NDUFS1: variants seen among roughly 807,000 people sequenced by gnomAD.
NDUFS1 encodes the protein NADH:ubiquinone oxidoreductase core subunit S1.
NDUFS1 carries 61 observed loss-of-function variants against 84.4 expected under a neutral mutation model. That is an observed-to-expected ratio of 0.72 (90% CI 0.59 to 0.89). NDUFS1 has a LOEUF of 0.89. Ranked by LOEUF, NDUFS1 falls within the 40% of genes least tolerant of loss-of-function variation. The pLI, the probability that NDUFS1 is intolerant of heterozygous loss-of-function variation, is 0.00. For synonymous variants in NDUFS1, 275 were observed against 290.0 expected (o/e 0.95, Z 0.53); for missense variants, 891 against 890.0 (o/e 1.00, Z -0.01).
rs4147717 is a variant in NDUFS1 at position 206,142,403 on chromosome 2, C to T, written c.1133+283G>A. Among the ~76,000 whole-genome samples the T allele has an allele frequency of 0.44, 66,827 of 151,576 alleles. 15,192 individuals are homozygous for T. The highest frequency in any genetic ancestry group is 0.52 in the African/African-American group (21,687 of 41,342). The stretch of plus-strand genomic sequence containing the variant: ...AATTTTTTTGTATTTTTAGTAGAGA[C>T]GGGGTTTCGCCATGTTGGCCAGGCT... On this transcript the variant is annotated intron_variant, in intron 11 of 18. Transcript: ENST00000233190.
intron 1 of NDUFS1, chr2:206,159,015 C>G: frequency 2.1e-6 from 3 of 1,458,518 alleles, no homozygotes; most frequent in Non-Finnish European, 2.8e-6. Context: ...GGTCCTCTCC[C>G]GGGGAATAAA....
intron 2 of NDUFS1, among the ~76,000 whole-genome samples, 190 bp from the exon 3 acceptor site, chr2:206,152,700 CTTCT>C (rs1257459507): frequency 7.3e-4 from 100 of 136,366 alleles, no homozygotes; most frequent in Non-Finnish European, 1.2e-3. Context: ...CTTCTTTCTT[CTTCT>C]TTTTTTTTTT....
chr2:206,116,051 T>C lies in NDUFS1; in HGVS notation c.*8134A>G. 1.1e-6 allele frequency: 1 copy of C among 898,732 alleles called. No individual in the cohort carries two copies. Among genetic ancestry groups the C allele is most frequent in the Non-Finnish European group, 1.9e-6 (1 of 528,626 alleles). 55.7% of individuals were successfully genotyped at this position (898,732 alleles called of 1,614,324 possible). A position where few individuals can be genotyped will look rare whatever the true frequency, so the allele number is the denominator to read the frequency against. The stretch of plus-strand genomic sequence containing the variant: ...TTCTAAGTCTTCTATCCACCACTAA[T>C]TTAGGACAACTCTGCTGGGTTGCGT... On this transcript the variant is annotated 3_prime_UTR_variant, in exon 19 of 19. Transcript: ENST00000233190.
Position 206,119,358 on chromosome 2 carries a change from T to G in NDUFS1, c.*4827A>C, listed in dbSNP as rs1194972003. 6.6e-6 allele frequency: 1 copy of G among 152,200 alleles called. No homozygotes were observed. Among genetic ancestry groups the G allele is most frequent in the African/African-American group, 2.4e-5 (1 of 41,456 alleles). 9.4% of individuals were successfully genotyped at this position (152,200 alleles called of 1,614,324 possible). A position where few individuals can be genotyped will look rare whatever the true frequency, so the allele number is the denominator to read the frequency against. On this transcript the variant is annotated 3_prime_UTR_variant, in exon 19 of 19. Coordinates refer to ENST00000233190, the MANE Select transcript of NDUFS1 (RefSeq NM_005006.7). ...GAAGAAATACTCTTAAAGAAAATGTTAATGTCAACAACAAACAATAAATTG... is the reference window on the plus strand; with the variant it reads ...GAAGAAATACTCTTAAAGAAAATGTGAATGTCAACAACAAACAATAAATTG...
rs539365042 is a variant in NDUFS1 at position 206,159,294 on chromosome 2, G to T, written c.-5+47C>A. ...AGGAAACAGTCCCGTCAATAAATAA[G>T]CCTCTGGCCGACGCACCTCACCCTT... On this transcript the variant is annotated intron_variant, in intron 1 of 18. Coordinates refer to ENST00000233190, the MANE Select transcript of NDUFS1 (RefSeq NM_005006.7). The T allele has an allele frequency of 7.1e-6, 5 of 708,742 alleles. No individual in the cohort carries two copies. The East Asian group carries it at 1.3e-4, about 19-fold the overall frequency. 43.9% of individuals were successfully genotyped at this position (708,742 alleles called of 1,614,324 possible).
chr2:206,159,338 C>G lies in NDUFS1; in HGVS notation c.-5+3G>C. ...CACCCTTCCCATCCATACAAGACCT[C>G]ACCTTCTCCCCGGAGCCGCGGAGGC... On this transcript the variant is annotated splice_donor_region_variant and intron_variant, in intron 1 of 18. Transcript: ENST00000233190. The G allele has an allele frequency of 1.6e-6, 1 of 608,990 alleles. No individual in the cohort carries two copies. The highest frequency in any genetic ancestry group is 2.9e-6 in the Non-Finnish European group (1 of 342,810). The allele number at this position is 608,990 out of a possible 1,614,324, so 37.7% of individuals were successfully genotyped here.
intron 10 of NDUFS1, 86 bp downstream of exon 10, chr2:206,143,932 G>A: frequency 9.2e-7 from 1 of 1,090,248 alleles, no homozygotes; most frequent in Admixed American, 1.9e-5. Context: ...GTAAAAAAGG[G>A]AAGAAATATA....
rs1692175969 is a variant in NDUFS1 at position 206,146,958 on chromosome 2, CAGGGCAGATATCAATG to C, written c.666_681del (p.Ile222MetfsTer2). On this transcript the variant is annotated frameshift_variant, in exon 8 of 19. Transcript: ENST00000233190. LOFTEE classifies it high-confidence loss of function. ...TAGGGCTTAGAGGTTAGGGCACCTA[CAGGGCAGATATCAATG>C]ATATTCCCAGACAGTTCAGACATGA... The C allele has an allele frequency of 1.2e-6, 2 of 1,614,026 alleles. No homozygotes were observed. Among genetic ancestry groups the C allele is most frequent in the Non-Finnish European group, 1.7e-6 (2 of 1,179,996 alleles).
rs938527056 is a variant in NDUFS1, at chr2:206,154,912, G to A, written c.-4-1230C>T. Reference sequence around the variant, plus strand: ...TGTTGGGGTTAAGGCGTGAGCCACCGTGCCCGGCCCTTTTTTTTTTTTTTT... The same window carrying A: ...TGTTGGGGTTAAGGCGTGAGCCACCATGCCCGGCCCTTTTTTTTTTTTTTT... On this transcript the variant is annotated intron_variant, in intron 1 of 18. Coordinates refer to ENST00000233190, the MANE Select transcript of NDUFS1 (RefSeq NM_005006.7). Among the ~76,000 whole-genome samples the A allele has an allele frequency of 2.7e-5, 4 of 146,142 alleles. No individual in the cohort carries two copies. In the East Asian group the frequency reaches 6.0e-4, roughly 22 times the overall value.
chr2:206,126,945 G>T, intron 16 of NDUFS1, 101 bp from the exon 17 acceptor site: 1 of 1,433,512 alleles, frequency 7.0e-7, no homozygotes, highest in Non-Finnish European at 9.7e-7. Context: ...CAGCACTACT[G>T]AAAAACCTAT....
chr2:206,133,189 T>C lies in NDUFS1; in HGVS notation c.1393-84A>G, dbSNP rs1691583113. 9 of 1,151,070 alleles carry C rather than the reference T, an allele frequency of 7.8e-6. No individual in the cohort carries two copies. The Admixed American group carries it at 9.6e-5, about 12-fold the overall frequency. 71.3% of individuals were successfully genotyped at this position (1,151,070 alleles called of 1,614,324 possible). The stretch of plus-strand genomic sequence containing the variant: ...ACCATATTTGCCTCTATAATATAGG[T>C]TGTCCCAAGTCTTAGGTGTAACATG... On this transcript the variant is annotated intron_variant, in intron 13 of 18. Coordinates refer to ENST00000233190, the MANE Select transcript of NDUFS1 (RefSeq NM_005006.7).
intron 13 of NDUFS1, among the ~76,000 whole-genome samples, chr2:206,134,863 GCTA>G (rs1691650222): frequency 6.6e-6 from 1 of 152,022 alleles, no homozygotes. Flanking sequence ...TGCAGACCCA[GCTA>G]CAGGGGAGGC....
chr2:206,143,946 C>G, intron 10 of NDUFS1, 72 bp downstream of exon 10: 1 of 1,174,572 alleles, frequency 8.5e-7, no homozygotes, highest in South Asian at 1.2e-5. Context: ...AAATATACAT[C>G]CCCCCCTTCA....
At chr2:206,152,398 A>C (rs542764451) in intron 3 of NDUFS1, 21 bp downstream of exon 3, 2 of 1,594,864 alleles carry the variant, frequency 1.3e-6, no homozygotes, top group African/African-American at 2.7e-5. Flanking sequence ...CACACACAAA[A>C]TAGTTAGAAT....
In NDUFS1 at chr2:206,120,240, T is replaced by G. The variant is rs1367504900; in HGVS notation, c.*3945A>C. 2 of 152,206 alleles carry G rather than the reference T, an allele frequency of 1.3e-5. No homozygotes were observed. Among genetic ancestry groups the G allele is most frequent in the Non-Finnish European group, 1.5e-5 (1 of 68,064 alleles). The allele number at this position is 152,206 out of a possible 1,614,324, so 9.4% of individuals were successfully genotyped here. On this transcript the variant is annotated 3_prime_UTR_variant, in exon 19 of 19. Transcript: ENST00000233190. ...CCCAATCTCAGATATTCCTTTACAGTAATGCAAACAGATTAAAACAGATTA... is the reference window on the plus strand; with the variant it reads ...CCCAATCTCAGATATTCCTTTACAGGAATGCAAACAGATTAAAACAGATTA...
intron 10 of NDUFS1, among the ~76,000 whole-genome samples, chr2:206,143,586 C>CT (rs202112175): frequency 0.057 from 8,278 of 144,626 alleles, 378 homozygotes; most frequent in Admixed American, 0.16. Flanking sequence ...AGGAAGGCAG[C>CT]TTTTTTTTTT....
Position 206,116,571 on chromosome 2 carries a change from A to G in NDUFS1, c.*7614T>C. ...CGCGGGGAGGCGGGGCGGTGTGGGC[A>G]GAAGTAAATTTCTTTATAAATTACC... On this transcript the variant is annotated 3_prime_UTR_variant, in exon 19 of 19. Coordinates refer to ENST00000233190, the MANE Select transcript of NDUFS1 (RefSeq NM_005006.7). 1 of 601,698 alleles carries G rather than the reference A, an allele frequency of 1.7e-6. No homozygotes were observed. Among genetic ancestry groups the G allele is most frequent in the South Asian group, 1.8e-5 (1 of 54,516 alleles). 37.3% of individuals were successfully genotyped at this position (601,698 alleles called of 1,614,324 possible). A position where few individuals can be genotyped will look rare whatever the true frequency, so the allele number is the denominator to read the frequency against.
At chr2:206,144,255 C>A (rs1351320245) in intron 9 of NDUFS1, 123 bp from the exon 10 acceptor site, 2 of 709,576 alleles carry the variant, frequency 2.8e-6, no homozygotes, top group Middle Eastern at 2.7e-4. Flanking sequence ...TATCTAAACA[C>A]CTAGATACAA....
At chr2:206,142,636 G>A (rs779729499) in intron 11 of NDUFS1, 50 bp downstream of exon 11, 15 of 1,608,370 alleles carry the variant, frequency 9.3e-6, no homozygotes, top group Non-Finnish European at 1.3e-5. Flanking sequence ...TACATAACTT[G>A]TAACTAAAAA....
Sources: gnomAD v4.1 joint callset for allele counts (sites outside exome capture counted in the v4.1 genomes callset) on GRCh38, gnomAD v4.1.1 for gene constraint, MANE v1.5 for transcripts, NCBI Gene and HGNC (gene_info 2026-07-23, HGNC 2026-07-21) for gene names.